The following HECTD2 variants were observed in gnomAD, a reference collection of about 807,000 sequenced individuals.
The protein encoded by HECTD2 is probable E3 ubiquitin-protein ligase HECTD2.
A neutral mutation model predicts 103.2 loss-of-function variants in HECTD2; 35 were observed. The ratio of observed to expected loss-of-function variants is 0.34; its 90% CI spans 0.26 to 0.45. The LOEUF (loss-of-function observed/expected upper bound fraction) is 0.45. Ranked by LOEUF, HECTD2 falls within the 20% of genes least tolerant of loss-of-function variation. The pLI is 1.00. For synonymous variants in HECTD2, 281 were observed against 329.9 expected, an observed-to-expected ratio of 0.85 and a Z score of 1.61; for missense variants, 596 against 937.4, an observed-to-expected ratio of 0.64 and a Z score of 4.76.
At position 91,483,032 on chromosome 10, in the gene HECTD2, C is replaced by G; in HGVS notation, c.777C>G (p.Thr259=). Residue 259 remains threonine (T), a synonymous_variant, in exon 8 of 21, where the codon ACC becomes ACG. Coordinates refer to ENST00000298068, the MANE Select transcript of HECTD2 (RefSeq NM_182765.6). ...CTCACTTGCTACGACAGATAGCTAC[C>G]TTAGTGGAAGCTGACCATCATTTCC... The part of the protein sequence containing the change: ...IYAHLLRQIA[T]LVEADHHFLV... 6.3e-7 allele frequency: 1 copy of G among 1,589,060 alleles called. No individual in the cohort carries two copies. The highest frequency in any genetic ancestry group is 8.6e-7 in the Non-Finnish European group (1 of 1,160,456).
At chr10:91,439,641 G>A (rs998146963) in intron 2 of HECTD2, among the ~76,000 whole-genome samples, 3 of 152,016 alleles carry the variant, frequency 2.0e-5, no homozygotes, top group African/African-American at 4.8e-5. Flanking sequence ...AGCTTGATGG[G>A]GATAGCATTG....
intron 5 of HECTD2, among the ~76,000 whole-genome samples, chr10:91,467,590 G>A (rs77083627): frequency 9.2e-4 from 140 of 152,162 alleles, no homozygotes; most frequent in African/African-American, 3.3e-3. Flanking sequence ...CCTGACCATC[G>A]TAGGGTCCAG....
intron 20 of HECTD2, among the ~76,000 whole-genome samples, chr10:91,510,291 A>G (rs995274900): frequency 8.5e-5 from 13 of 152,156 alleles, no homozygotes; most frequent in Non-Finnish European, 1.6e-4. Flanking sequence ...TGCAAAGCAA[A>G]TTTCAAATTA....
At chr10:91,429,944 T>C (rs1442101431) in intron 2 of HECTD2, among the ~76,000 whole-genome samples, 3 of 152,190 alleles carry the variant, frequency 2.0e-5, no homozygotes, top group Non-Finnish European at 4.4e-5. Flanking sequence ...TTGCTCTTGT[T>C]TTTCTAGTTC....
At chr10:91,473,726 A>G (rs764095680) in intron 5 of HECTD2, among the ~76,000 whole-genome samples, 1 of 152,148 alleles carries the variant, frequency 6.6e-6, no homozygotes, top group Non-Finnish European at 1.5e-5. Flanking sequence ...TTTTCTCGTG[A>G]TTTTCTTAAT....
chr10:91,409,786 A>G (rs1172276188), upstream of HECTD2, among the ~76,000 whole-genome samples: 1 of 152,090 alleles, frequency 6.6e-6, no homozygotes, highest in East Asian at 1.9e-4. Context: ...GGGCAAGGAT[A>G]AGAAGGCAGA....
intron 2 of HECTD2, among the ~76,000 whole-genome samples, chr10:91,444,425 G>C (rs1056699079): frequency 6.6e-6 from 1 of 152,142 alleles, no homozygotes. Context: ...CAGAAGCCCA[G>C]ATGGGATTTA....
intron 10 of HECTD2, 41 bp downstream of exon 10, chr10:91,485,344 T>C: frequency 6.7e-7 from 1 of 1,493,156 alleles, no homozygotes; most frequent in South Asian, 1.3e-5. Context: ...CTAAATGAAA[T>C]ACTATTCAAA....
At chr10:91,445,131 C>T (rs866012372) in intron 2 of HECTD2, among the ~76,000 whole-genome samples, 23 of 152,284 alleles carry the variant, frequency 1.5e-4, no homozygotes, top group African/African-American at 5.3e-4. Flanking sequence ...GACGTCACAA[C>T]TCTCGTTGGA....
At position 91,425,301 on chromosome 10, in the gene HECTD2, A is replaced by G. The variant is rs766610854; in HGVS notation, c.159A>G (p.Lys53=). ...GATAGLDRGA[K]GQISTFSSFI... The stretch of plus-strand genomic sequence containing the variant: ...TTCAGGGTTTGGACAGAGGAGCCAA[A>G]GGCCAAATTTCCACTTTCAGCAGTT... The change falls in exon 2 of 21, where the codon AAA becomes AAG. Residue 53 remains lysine (K), a synonymous_variant. Transcript: ENST00000298068. 2.6e-6 allele frequency: 4 copies of G among 1,543,934 alleles called. 1 individual carries two copies. In the South Asian group the frequency reaches 5.1e-5, roughly 20 times the overall value.
At chr10:91,437,619 C>CTTTTTTTTTTTTTTTTTTGTTTTTTTT (rs1844176801) in intron 2 of HECTD2, among the ~76,000 whole-genome samples, 1 of 87,426 alleles carries the variant, frequency 1.1e-5, no homozygotes, top group Non-Finnish European at 2.7e-5. Context: ...GATGGTTGTT[C>CTTTTTTTTTTTTTTTTTTGTTTTTTTT]TTTTTTTTTT....
At chr10:91,445,478 A>G (rs1247849523) in intron 2 of HECTD2, among the ~76,000 whole-genome samples, 2 of 152,184 alleles carry the variant, frequency 1.3e-5, no homozygotes, top group Non-Finnish European at 1.5e-5. Context: ...TCTTAGAAGT[A>G]TGGGACTGGG....
intron 2 of HECTD2, among the ~76,000 whole-genome samples, chr10:91,458,017 C>T (rs555214149): frequency 1.6e-3 from 202 of 124,350 alleles, no homozygotes; most frequent in Non-Finnish European, 2.3e-3. Flanking sequence ...GCATAATTGT[C>T]TATGCAAAAA....
At position 91,485,103 on chromosome 10, in the gene HECTD2, T is replaced by G. The variant is rs1314457250; in HGVS notation, c.971-77T>G. 35 of 1,017,974 alleles carry G rather than the reference T, an allele frequency of 3.4e-5. No individual in the cohort carries two copies. In the East Asian group the frequency reaches 9.3e-4, roughly 27 times the overall value. 63.1% of individuals were successfully genotyped at this position (1,017,974 alleles called of 1,614,324 possible). On this transcript the variant is annotated intron_variant, in intron 9 of 20. Coordinates refer to ENST00000298068, the MANE Select transcript of HECTD2 (RefSeq NM_182765.6). Reference sequence around the variant, plus strand: ...TAGGTCAAGGCTGTCTTGTAGACATTAAAATGATGTTTTTATTATTAGAAT... The same window carrying G: ...TAGGTCAAGGCTGTCTTGTAGACATGAAAATGATGTTTTTATTATTAGAAT...
At chr10:91,508,756 C>T (rs1005837793) in intron 20 of HECTD2, among the ~76,000 whole-genome samples, 27 of 151,304 alleles carry the variant, frequency 1.8e-4, no homozygotes, top group Admixed American at 1.6e-3. Flanking sequence ...CCATTTGACC[C>T]AGCCATCCCA....
intron 20 of HECTD2, among the ~76,000 whole-genome samples, chr10:91,503,618 G>A (rs1262646304): frequency 6.6e-6 from 1 of 152,204 alleles, no homozygotes; most frequent in Non-Finnish European, 1.5e-5. Context: ...ACTTGGCTCG[G>A]AGGGTCCTAC....
intron 2 of HECTD2, among the ~76,000 whole-genome samples, chr10:91,449,350 T>C (rs1214597248): frequency 2.6e-5 from 4 of 152,114 alleles, no homozygotes; most frequent in Non-Finnish European, 1.5e-5. Flanking sequence ...AACACTTTTT[T>C]ATACTAAAAT....
intron 1 of HECTD2, among the ~76,000 whole-genome samples, chr10:91,416,419 C>A (rs921991186): frequency 1.3e-5 from 2 of 152,150 alleles, no homozygotes; most frequent in Non-Finnish European, 2.9e-5. Context: ...AGTCTAATGC[C>A]TTTTCTGTTT....
intron 7 of HECTD2, among the ~76,000 whole-genome samples, chr10:91,481,478 G>A (rs1415559433): frequency 6.6e-6 from 1 of 151,094 alleles, no homozygotes; most frequent in Non-Finnish European, 1.5e-5. Flanking sequence ...ATTCAAACCT[G>A]TTTCTTGTAA....
Sources: gnomAD v4.1 joint callset for allele counts (sites outside exome capture counted in the v4.1 genomes callset) on GRCh38, gnomAD v4.1.1 for gene constraint, MANE v1.5 for transcripts, NCBI Gene and HGNC (gene_info 2026-07-23, HGNC 2026-07-21) for gene names.